The following GHR variants were observed in gnomAD, a reference collection of about 807,000 sequenced individuals.
GHR encodes the protein GH receptor.
In GHR, 35 loss-of-function variants were observed where a neutral mutation model predicts 67.1. The observed-to-expected ratio is 0.52, with a 90% CI of 0.40 to 0.69. The LOEUF is 0.69. Among genes scored for constraint, GHR ranks in the 30% least tolerant of loss-of-function variants. GHR has a pLI of 0.00. For missense variants in GHR, 792 were observed against 764.6 expected (o/e 1.04, Z -0.42); for synonymous variants, 272 against 269.1 (o/e 1.01, Z -0.10).
Position 42,636,162 on chromosome 5 carries a change from A to G in GHR, c.136+7059A>G, listed in dbSNP as rs887390103. 2.1e-5 allele frequency among the ~76,000 whole-genome samples: 3 copies of G among 143,746 alleles called. No individual in the cohort carries two copies. The Admixed American group carries it at 2.1e-4, about 10-fold the overall frequency. The allele number at this position is 143,746 out of a possible 152,430, so 94.3% of individuals were successfully genotyped here. ...GAGGCGGAGCTTGCAGTGAGCCGAGATCTCACCACTGGACTCCAGCCTGGG... is the reference window on the plus strand; with the variant it reads ...GAGGCGGAGCTTGCAGTGAGCCGAGGTCTCACCACTGGACTCCAGCCTGGG... On this transcript the variant is annotated intron_variant, in intron 3 of 9. Coordinates refer to ENST00000230882, the MANE Select transcript of GHR (RefSeq NM_000163.5).
At chr5:42,539,789 T>A (rs1225597424) in intron 1 of GHR, among the ~76,000 whole-genome samples, 5 of 152,210 alleles carry the variant, frequency 3.3e-5, no homozygotes, top group African/African-American at 1.2e-4. Context: ...TCTGTTGTTT[T>A]AAAATTTTCT....
chr5:42,573,253 T>C (rs1750435521), intron 2 of GHR, among the ~76,000 whole-genome samples: 1 of 151,916 alleles, frequency 6.6e-6, no homozygotes, highest in African/African-American at 2.4e-5. Context: ...AAGGCAGGAG[T>C]TGAATTAGTA....
At chr5:42,696,855 G>T (rs1159448933) in intron 5 of GHR, among the ~76,000 whole-genome samples, 1 of 152,120 alleles carries the variant, frequency 6.6e-6, no homozygotes, top group Admixed American at 6.5e-5. Flanking sequence ...GCAGTTAAAG[G>T]ACTAGTTCAA....
intron 1 of GHR, among the ~76,000 whole-genome samples, chr5:42,448,263 T>C (rs928212849): frequency 6.6e-6 from 1 of 152,146 alleles, no homozygotes; most frequent in Admixed American, 6.6e-5. Flanking sequence ...TCTATTATTT[T>C]TTTATTTTTT....
At chr5:42,453,457 G>T (rs1744134759) in intron 1 of GHR, among the ~76,000 whole-genome samples, 1 of 152,156 alleles carries the variant, frequency 6.6e-6, no homozygotes, top group African/African-American at 2.4e-5. Context: ...TGATGAGGGT[G>T]GCTGGAGGAG....
At chr5:42,713,792 G>T in intron 8 of GHR, 1 of 365,598 alleles carries the variant, frequency 2.7e-6, no homozygotes, top group African/African-American at 2.1e-5. Context: ...CTTGTGATAT[G>T]TACCTCTTTA....
chr5:42,650,755 A>G (rs112990189), intron 3 of GHR, among the ~76,000 whole-genome samples: 11,538 of 151,992 alleles, frequency 0.076, 508 homozygotes, highest in Middle Eastern at 0.15. Flanking sequence ...TATGAAGCAC[A>G]TGATTGTTAT....
chr5:42,644,871 T>C (rs1001590412), intron 3 of GHR, among the ~76,000 whole-genome samples: 2 of 152,160 alleles, frequency 1.3e-5, no homozygotes, highest in African/African-American at 4.8e-5. Flanking sequence ...TAATCCCTCA[T>C]GAACAGATGG....
At chr5:42,703,276 G>A (rs1363239610) in intron 6 of GHR, among the ~76,000 whole-genome samples, 1 of 151,934 alleles carries the variant, frequency 6.6e-6, no homozygotes, top group Non-Finnish European at 1.5e-5. Context: ...TCTGCATATG[G>A]ATGTCCAATT....
intron 1 of GHR, among the ~76,000 whole-genome samples, chr5:42,558,260 T>C (rs970519974): frequency 6.6e-6 from 1 of 152,244 alleles, no homozygotes; most frequent in Non-Finnish European, 1.5e-5. Context: ...GTCCCCATCA[T>C]TCTGCATTTG....
At chr5:42,644,821 T>C (rs924960420) in intron 3 of GHR, among the ~76,000 whole-genome samples, 12 of 152,280 alleles carry the variant, frequency 7.9e-5, no homozygotes, top group African/African-American at 2.4e-4. Flanking sequence ...ATATTTTCTA[T>C]TTTTATGTTT....
At chr5:42,438,325 T>A (rs1406196196) in intron 1 of GHR, among the ~76,000 whole-genome samples, 1 of 152,188 alleles carries the variant, frequency 6.6e-6, no homozygotes, top group African/African-American at 2.4e-5. Context: ...TAATTGCAAA[T>A]GTGTCCAACT....
intron 1 of GHR, among the ~76,000 whole-genome samples, chr5:42,450,890 A>C (rs1744021569): frequency 6.6e-6 from 1 of 152,184 alleles, no homozygotes; most frequent in African/African-American, 2.4e-5. Context: ...GTTGACCCAA[A>C]GATCATTCAA....
chr5:42,516,367 C>T (rs186108369), intron 1 of GHR, among the ~76,000 whole-genome samples: 187 of 152,266 alleles, frequency 1.2e-3, no homozygotes, highest in African/African-American at 4.1e-3. Flanking sequence ...CCAAAAGTCA[C>T]ATTAGAGGCA....
intron 1 of GHR, among the ~76,000 whole-genome samples, chr5:42,474,323 A>AAG (rs1168825510): frequency 3.1e-4 from 43 of 136,618 alleles, no homozygotes; most frequent in South Asian, 7.3e-4. Context: ...GAAAGAAAGA[A>AAG]AGAAAGAAAG....
chr5:42,491,752 G>A lies in GHR; in HGVS notation c.-12+67797G>A, dbSNP rs150838155. Among the ~76,000 whole-genome samples, 1,207 of 152,294 alleles carry A rather than the reference G, an allele frequency of 7.9e-3. 23 individuals are homozygous for A. Among genetic ancestry groups the A allele is most frequent in the African/African-American group, 0.028 (1,156 of 41,564 alleles). On this transcript the variant is annotated intron_variant, in intron 1 of 9. Coordinates refer to ENST00000230882, the MANE Select transcript of GHR (RefSeq NM_000163.5). The stretch of plus-strand genomic sequence containing the variant: ...GGCCCTCAAGAAGGAAGGCGGAATG[G>A]ATGAGGAAGTCTGCTGTCCAAGGGG...
At chr5:42,545,127 C>T (rs1312286991) in intron 1 of GHR, among the ~76,000 whole-genome samples, 1 of 152,142 alleles carries the variant, frequency 6.6e-6, no homozygotes, top group Non-Finnish European at 1.5e-5. Context: ...CCTGTCCACT[C>T]CCTAGCAACT....
intron 2 of GHR, among the ~76,000 whole-genome samples, chr5:42,586,842 C>A (rs1751501465): frequency 6.6e-6 from 1 of 151,796 alleles, no homozygotes; most frequent in Admixed American, 6.6e-5. Flanking sequence ...GAATTTAGGA[C>A]TAAAAAAAGC....
intron 1 of GHR, among the ~76,000 whole-genome samples, chr5:42,485,731 A>G (rs1422414833): frequency 1.3e-5 from 2 of 152,234 alleles, no homozygotes; most frequent in Non-Finnish European, 1.5e-5. Context: ...CCACATGTAA[A>G]TCAGAATGCA....
Sources: gnomAD v4.1 joint callset for allele counts (sites outside exome capture counted in the v4.1 genomes callset) on GRCh38, gnomAD v4.1.1 for gene constraint, MANE v1.5 for transcripts, NCBI Gene and HGNC (gene_info 2026-07-23, HGNC 2026-07-21) for gene names.